PSMB7: variants seen among roughly 807,000 people sequenced by gnomAD.
PSMB7 encodes proteasome 20S subunit beta 7.
In PSMB7, 5 loss-of-function variants were observed where a neutral mutation model predicts 28.1. That is an observed-to-expected ratio of 0.18 (90% CI 0.09 to 0.37). The LOEUF (loss-of-function observed/expected upper bound fraction) is 0.37, where lower values mean the gene tolerates loss of function less well. Among genes scored for constraint, PSMB7 ranks in the 10% least tolerant of loss-of-function variants. PSMB7 has a pLI of 1.00. For missense variants in PSMB7, 275 were observed against 346.2 expected (o/e 0.79, Z 1.63); for synonymous variants, 122 against 123.7 (o/e 0.99, Z 0.09).
intron 6 of PSMB7, among the ~76,000 whole-genome samples, chr9:124,364,081 G>A (rs1450329967): frequency 2.0e-5 from 3 of 152,158 alleles, no homozygotes; most frequent in Non-Finnish European, 2.9e-5. Context: ...TCCTAGGGTC[G>A]AAGAAAACAG....
chr9:124,401,023 T>C (rs1333294981), intron 5 of PSMB7, among the ~76,000 whole-genome samples: 1 of 152,198 alleles, frequency 6.6e-6, no homozygotes. Context: ...AAGAATATTA[T>C]GTATAGCATG....
chr9:124,382,507 C>G (rs902559229), intron 6 of PSMB7, among the ~76,000 whole-genome samples: 1 of 151,926 alleles, frequency 6.6e-6, no homozygotes, highest in African/African-American at 2.4e-5. Flanking sequence ...TGCGCCCAGT[C>G]GAGACTCTGT....
intron 6 of PSMB7, among the ~76,000 whole-genome samples, chr9:124,377,502 C>G (rs1044343623): frequency 6.6e-6 from 1 of 152,224 alleles, no homozygotes; most frequent in Non-Finnish European, 1.5e-5. Flanking sequence ...AAAAAACACA[C>G]ACACAGTTAC....
At chr9:124,414,960 T>G in intron 1 of PSMB7, 25 bp from the exon 2 acceptor site, 1 of 1,528,740 alleles carries the variant, frequency 6.5e-7, no homozygotes, top group East Asian at 2.3e-5. Flanking sequence ...GAGAATCAAG[T>G]GTTGAAGGGC....
chr9:124,406,878 G>A (rs1190502813), intron 4 of PSMB7, among the ~76,000 whole-genome samples: 3 of 151,828 alleles, frequency 2.0e-5, no homozygotes, highest in South Asian at 2.1e-4. Flanking sequence ...TACTCCTAAC[G>A]TGGGAGGCTG....
At chr9:124,373,466 G>A (rs746629265) in intron 6 of PSMB7, among the ~76,000 whole-genome samples, 14 of 152,116 alleles carry the variant, frequency 9.2e-5, no homozygotes, top group Non-Finnish European at 1.8e-4. Context: ...CAGGAATTAC[G>A]ACCAAAAGCA....
Position 124,399,673 on chromosome 9 carries a change from G to A in PSMB7, c.511+5644C>T, listed in dbSNP as rs527430332. On this transcript the variant is annotated intron_variant, in intron 5 of 7. Transcript: ENST00000259457. The stretch of plus-strand genomic sequence containing the variant: ...GACTGCAACACTGCAGCCAAGAGCC[G>A]CAAGGAGCTGGCGCTGAGGAACGCC... Among the ~76,000 whole-genome samples, 6 of 152,310 alleles carry A rather than the reference G, an allele frequency of 3.9e-5. No individual in the cohort carries two copies. In the South Asian group the frequency reaches 1.2e-3, roughly 32 times the overall value.
intron 6 of PSMB7, among the ~76,000 whole-genome samples, chr9:124,375,322 G>A (rs929688570): frequency 1.6e-4 from 25 of 152,064 alleles, no homozygotes; most frequent in African/African-American, 4.6e-4. Context: ...CACCATACCC[G>A]GCTAATTTTT....
chr9:124,358,086 C>T (rs1017664673), intron 6 of PSMB7, among the ~76,000 whole-genome samples: 10 of 152,206 alleles, frequency 6.6e-5, no homozygotes, highest in African/African-American at 2.4e-4. Context: ...TCCACGAGGG[C>T]GTGAGAGTAC....
At chr9:124,404,777 C>T (rs1442530353) in intron 5 of PSMB7, among the ~76,000 whole-genome samples, 2 of 151,984 alleles carry the variant, frequency 1.3e-5, no homozygotes, top group African/African-American at 4.8e-5. Context: ...CACTTGAACC[C>T]GGGAGACAGA....
chr9:124,414,775 G>A lies in PSMB7; in HGVS notation c.156+67C>T, dbSNP rs555516223. 5.2e-4 allele frequency: 711 copies of A among 1,364,784 alleles called. 5 individuals carry two copies. In the African/African-American group the frequency reaches 9.6e-3, roughly 18 times the overall value. 84.5% of individuals were successfully genotyped at this position (1,364,784 alleles called of 1,614,324 possible). A position where few individuals can be genotyped will look rare whatever the true frequency, so the allele number is the denominator to read the frequency against. On this transcript the variant is annotated intron_variant, in intron 2 of 7. Coordinates refer to ENST00000259457, the MANE Select transcript of PSMB7 (RefSeq NM_002799.4). Reference sequence around the variant, plus strand: ...TCCAGACCGAGCCGGGAGAGACACCGGAAGCCAAGTGTTCTGATTCCTGTT... The same window carrying A: ...TCCAGACCGAGCCGGGAGAGACACCAGAAGCCAAGTGTTCTGATTCCTGTT...
intron 6 of PSMB7, among the ~76,000 whole-genome samples, chr9:124,380,258 CT>C (rs1424415847): frequency 6.6e-6 from 1 of 152,214 alleles, no homozygotes. Flanking sequence ...ATTTTTATTT[CT>C]ATCAATAGTA....
intron 1 of PSMB7, 50 bp from the exon 2 acceptor site, chr9:124,414,985 C>A (rs1314104199): frequency 7.8e-7 from 1 of 1,280,988 alleles, no homozygotes; most frequent in Admixed American, 1.9e-5. Context: ...CCACATCGCA[C>A]AGCACTGGCA....
At chr9:124,382,603 T>C (rs891407504) in intron 6 of PSMB7, among the ~76,000 whole-genome samples, 7 of 152,220 alleles carry the variant, frequency 4.6e-5, no homozygotes, top group Non-Finnish European at 8.8e-5. Flanking sequence ...TAACCTAAAA[T>C]TGTCCATTTA....
chr9:124,414,624 AAG>A (rs1554864396), intron 2 of PSMB7, among the ~76,000 whole-genome samples: 1 of 143,796 alleles, frequency 7.0e-6, no homozygotes, highest in African/African-American at 3.0e-5. Context: ...AAAAAAAAAA[AAG>A]AAAGAAAGAA....
intron 6 of PSMB7, among the ~76,000 whole-genome samples, chr9:124,360,013 C>A (rs1830451515): frequency 6.6e-6 from 1 of 152,224 alleles, no homozygotes; most frequent in Admixed American, 6.5e-5. Context: ...GTCTTTAACA[C>A]ACACCTATAG....
At position 124,407,939 on chromosome 9, in the gene PSMB7, G is replaced by A. The variant is rs567794593; in HGVS notation, c.396-2507C>T. Among the ~76,000 whole-genome samples the A allele has an allele frequency of 3.3e-5, 5 of 152,294 alleles. No homozygotes were observed. In the South Asian group the frequency reaches 1.0e-3, roughly 32 times the overall value. The stretch of plus-strand genomic sequence containing the variant: ...TGGTAGGAGGATTACTTGAGGCCAG[G>A]AGTTTGAGACCAGCCTAAGCAACAT... On this transcript the variant is annotated intron_variant, in intron 4 of 7. Transcript: ENST00000259457.
At chr9:124,385,944 T>C (rs1162475083) in intron 5 of PSMB7, among the ~76,000 whole-genome samples, 2 of 152,148 alleles carry the variant, frequency 1.3e-5, no homozygotes, top group Non-Finnish European at 2.9e-5. Flanking sequence ...ATGAACATGG[T>C]AATCCCGATG....
chr9:124,369,930 G>C (rs1412494253), intron 6 of PSMB7, among the ~76,000 whole-genome samples: 1 of 152,120 alleles, frequency 6.6e-6, no homozygotes, highest in Non-Finnish European at 1.5e-5. Context: ...TCATGACATA[G>C]TCCCTGCTTG....
Sources: gnomAD v4.1 joint callset for allele counts (sites outside exome capture counted in the v4.1 genomes callset) on GRCh38, gnomAD v4.1.1 for gene constraint, MANE v1.5 for transcripts, NCBI Gene and HGNC (gene_info 2026-07-23, HGNC 2026-07-21) for gene names.